SMG1: variants seen among roughly 807,000 people sequenced by gnomAD.
SMG1 encodes serine/threonine-protein kinase SMG1.
SMG1 carries 22 observed loss-of-function variants against 419.9 expected under a neutral mutation model. The ratio of observed to expected loss-of-function variants is 0.05; its 90% confidence interval spans 0.04 to 0.07. The LOEUF (loss-of-function observed/expected upper bound fraction) is 0.07. Among genes scored for constraint, SMG1 ranks in the 10% least tolerant of loss-of-function variants. The probability of loss-of-function intolerance (pLI) is 1.00; values close to 1 mark genes in which losing one functional copy is unlikely to be tolerated. For missense variants in SMG1, 3,185 were observed against 4,342.0 expected (o/e 0.73, Z 7.49); for synonymous variants, 1,538 against 1,553.5 (o/e 0.99, Z 0.23).
Position 18,885,607 on chromosome 16 carries a change from A to G in SMG1, c.882T>C (p.Cys294=), listed in dbSNP as rs772155260. 1.1e-5 allele frequency: 17 copies of G among 1,595,982 alleles called. No individual in the cohort carries two copies. Among genetic ancestry groups the G allele is most frequent in the African/African-American group, 5.3e-5 (4 of 74,856 alleles). Residue 294 remains cysteine (C), a synonymous_variant, in exon 7 of 63, where the codon TGT becomes TGC. Transcript: ENST00000446231. ...CCAAAAGAATGCACTTAACACATTT[A>G]CAAAGCAATTCTGGTGTATCCACAT... ...LENVDTPELL[C]KCVKCILLVA...
intron 23 of SMG1, among the ~76,000 whole-genome samples, 189 bp from the exon 24 acceptor site, chr16:18,864,333 A>G (rs756970149): frequency 1.3e-5 from 2 of 150,204 alleles, no homozygotes; most frequent in Non-Finnish European, 3.0e-5. Context: ...GTAGCTGGGA[A>G]TACAGGCGCT....
chr16:18,900,747 T>C (rs2037313586), intron 1 of SMG1, among the ~76,000 whole-genome samples: 1 of 152,326 alleles, frequency 6.6e-6, no homozygotes, highest in African/African-American at 2.4e-5. Flanking sequence ...ATGTACTTAT[T>C]CTCTAAAGTA....
chr16:18,919,634 A>AATG (rs1555507747), intron 1 of SMG1, among the ~76,000 whole-genome samples: 26 of 124,664 alleles, frequency 2.1e-4, no homozygotes, highest in East Asian at 4.8e-4. Flanking sequence ...AAAAAAAAAA[A>AATG]TGTGTGTGTG....
chr16:18,812,968 C>T (rs2031615566), intron 60 of SMG1, among the ~76,000 whole-genome samples: 1 of 151,980 alleles, frequency 6.6e-6, no homozygotes, highest in Non-Finnish European at 1.5e-5. Context: ...TGGTTTCCAG[C>T]TTCATCCATG....
In SMG1 at chr16:18,838,379, A is replaced by G; in HGVS notation, c.7172T>C (p.Val2391Ala). The part of the protein sequence containing the change: ...TALGVTGVEG[V>A]FRLSCEQVLH... The stretch of plus-strand genomic sequence containing the variant: ...TACCTGCTCACATGAAAGCCTAAAT[A>G]CACCTTCTACTCCAGTTACACCCAG... Residue 2391 changes from valine (V) to alanine (A), a missense_variant, in exon 44 of 63, where the codon GTA becomes GCA. Around this residue, in one of 27 missense-constraint regions of SMG1, gnomAD observed 60 missense variants for 133.9 expected, o/e 0.45. Transcript: ENST00000446231. 9 of 1,611,010 alleles carry G rather than the reference A, an allele frequency of 5.6e-6. No homozygotes were observed. The highest frequency in any genetic ancestry group is 7.6e-6 in the Non-Finnish European group (9 of 1,178,594).
rs1401319319 is a variant in SMG1, at chr16:18,829,552, G to A, written c.9337C>T (p.Leu3113=). 1 of 1,614,006 alleles carries A rather than the reference G, an allele frequency of 6.2e-7. No homozygotes were observed. The change falls in exon 54 of 63, where the codon CTG becomes TTG. Residue 3113 remains leucine (L), a synonymous_variant. Coordinates refer to ENST00000446231, the MANE Select transcript of SMG1 (RefSeq NM_015092.5). ...GLTLCSFISA[L]GVDIIAQVEA... Reference sequence around the variant, plus strand: ...ACTTGAGCAATGATGTCTACACCCAGAGCACTGATAAAACTGCACAGTGTG... The same window carrying A: ...ACTTGAGCAATGATGTCTACACCCAAAGCACTGATAAAACTGCACAGTGTG...
At position 18,920,199 on chromosome 16, in the gene SMG1, T is replaced by C. The variant is rs554856910; in HGVS notation, c.92+5751A>G. On this transcript the variant is annotated intron_variant, in intron 1 of 62. Transcript: ENST00000446231. ...GAGTTCACGACCAGCCTGACTAACA[T>C]GGTGAAACCCCGTCTCTACTAAATA... 2.6e-5 allele frequency among the ~76,000 whole-genome samples: 4 copies of C among 152,002 alleles called. No homozygotes were observed. The East Asian group carries it at 7.8e-4, about 30-fold the overall frequency.
rs1358171257 is a variant in SMG1 at position 18,875,781 on chromosome 16, C to T, written c.1890+343G>A. 9.1e-5 allele frequency: 31 copies of T among 339,134 alleles called. 1 individual carries two copies. Among genetic ancestry groups the T allele is most frequent in the Middle Eastern group, 1.7e-3 (2 of 1,180 alleles). The allele number at this position is 339,134 out of a possible 1,614,324, so 21.0% of individuals were successfully genotyped here. ...AGTACCAGGGGAAGAAGAAAGAGACCGCATTTTAAAACAACTACACAAATT... is the reference window on the plus strand; with the variant it reads ...AGTACCAGGGGAAGAAGAAAGAGACTGCATTTTAAAACAACTACACAAATT... On this transcript the variant is annotated intron_variant, in intron 13 of 62. Coordinates refer to ENST00000446231, the MANE Select transcript of SMG1 (RefSeq NM_015092.5).
chr16:18,866,913 G>C (rs2035542523), intron 22 of SMG1, 138 bp from the exon 23 acceptor site: 1 of 622,328 alleles, frequency 1.6e-6, no homozygotes, highest in East Asian at 2.7e-5. Flanking sequence ...ACATTATTTA[G>C]CTCAGAATTC....
chr16:18,895,682 T>C lies in SMG1; in HGVS notation c.412+370A>G, dbSNP rs572618508. On this transcript the variant is annotated intron_variant, in intron 3 of 62. Transcript: ENST00000446231. ...TACATCCTGCACACGTACCCTGAAC[T>C]TAAAAGAGAAAAAAAAAAAAGACAG... Among the ~76,000 whole-genome samples the C allele has an allele frequency of 4.7e-5, 7 of 148,732 alleles. No homozygotes were observed. The East Asian group carries it at 1.4e-3, about 29-fold the overall frequency.
Position 18,830,385 on chromosome 16 carries a change from A to G in SMG1, c.8793-16T>C. The G allele has an allele frequency of 6.2e-7, 1 of 1,613,640 alleles. No homozygotes were observed. Among genetic ancestry groups the G allele is most frequent in the Non-Finnish European group, 8.5e-7 (1 of 1,179,676 alleles). ...ATGTAGTAGTCTACAGAAAAACAAA[A>G]GGAGTTAAAACCTTCGCTGAAAAGT... On this transcript the variant is annotated splice_polypyrimidine_tract_variant and intron_variant, in intron 51 of 62. Transcript: ENST00000446231.
At chr16:18,818,797 C>T (rs2032251194) in intron 56 of SMG1, among the ~76,000 whole-genome samples, 1 of 150,202 alleles carries the variant, frequency 6.7e-6, no homozygotes, top group African/African-American at 2.4e-5. Flanking sequence ...AATCCACAGC[C>T]TCTTGACAGG....
At chr16:18,916,091 C>CAA (rs1207251735) in intron 1 of SMG1, among the ~76,000 whole-genome samples, 83 of 71,872 alleles carry the variant, frequency 1.2e-3, no homozygotes, top group Non-Finnish European at 1.6e-3. Context: ...AAAAAAAAAC[C>CAA]AGAAAAAAAA....
In SMG1 at chr16:18,854,725, G is replaced by C; in HGVS notation, c.4414C>G (p.Gln1472Glu). 6.2e-7 allele frequency: 1 copy of C among 1,613,920 alleles called. No homozygotes were observed. The highest frequency in any genetic ancestry group is 8.5e-7 in the Non-Finnish European group (1 of 1,179,868). The change falls in exon 30 of 63, where the codon CAA becomes GAA. Residue 1472 changes from glutamine to glutamate, a missense_variant. Transcript: ENST00000446231. ...CCCCATTTTTCATCCACTTGACCTT[G>C]GGTTGATAGTTTTTTAAAATGTTGG... is the stretch of plus-strand genomic sequence containing the variant. ...LVQHFKKLST[Q>E]GQVDEKWGPE... is the part of the protein sequence containing the mutation.
intron 6 of SMG1, among the ~76,000 whole-genome samples, chr16:18,886,328 A>G (rs2036610397): frequency 6.6e-6 from 1 of 152,218 alleles, no homozygotes; most frequent in Non-Finnish European, 1.5e-5. Flanking sequence ...ATGCAGGCTC[A>G]GGTTACCATT....
chr16:18,892,385 T>G, intron 3 of SMG1, 31 bp from the exon 4 acceptor site: 1 of 1,511,252 alleles, frequency 6.6e-7, no homozygotes, highest in East Asian at 2.5e-5. Flanking sequence ...TGTTGTCCAT[T>G]GAGTATAAAT....
At chr16:18,847,080 A>G (rs1353530338) in intron 38 of SMG1, among the ~76,000 whole-genome samples, 1 of 152,246 alleles carries the variant, frequency 6.6e-6, no homozygotes, top group Non-Finnish European at 1.5e-5. Flanking sequence ...ACGTTACAAC[A>G]TAATAAACCT....
At chr16:18,922,389 G>A (rs2038231441) in intron 1 of SMG1, among the ~76,000 whole-genome samples, 1 of 152,146 alleles carries the variant, frequency 6.6e-6, no homozygotes, top group Non-Finnish European at 1.5e-5. Flanking sequence ...GGCATCCAGT[G>A]GTTCCCAAAA....
intron 10 of SMG1, among the ~76,000 whole-genome samples, chr16:18,881,066 T>C (rs1008516029): frequency 2.0e-5 from 3 of 150,574 alleles, no homozygotes; most frequent in African/African-American, 7.4e-5. Context: ...TACAGTGAGC[T>C]ATGATTGCTC....
Sources: gnomAD v4.1 joint callset for allele counts (sites outside exome capture counted in the v4.1 genomes callset) on GRCh38, gnomAD v4.1.1 for gene constraint, gnomAD v4.1.1 regional missense constraint, MANE v1.5 for transcripts, NCBI Gene and HGNC (gene_info 2026-07-23, HGNC 2026-07-21) for gene names.